The following AATF variants were observed in gnomAD, a reference collection of about 807,000 sequenced individuals.
AATF encodes protein AATF.
Under a neutral mutation model 63.7 loss-of-function variants are expected in AATF, and 48 were observed. The ratio of observed to expected loss-of-function variants is 0.75; its 90% CI spans 0.60 to 0.96. The LOEUF is 0.96. Ranked by LOEUF, AATF falls within the 40% of genes least tolerant of loss-of-function variation. AATF has a pLI of 0.00. For synonymous variants in AATF, 258 were observed against 247.7 expected, an observed-to-expected ratio of 1.04 and a Z score of -0.39; for missense variants, 639 against 685.7, an observed-to-expected ratio of 0.93 and a Z score of 0.76.
At chr17:37,001,451 GGAAGAA>G (rs780059541) in intron 8 of AATF, among the ~76,000 whole-genome samples, 1 of 115,896 alleles carries the variant, frequency 8.6e-6, no homozygotes, top group African/African-American at 3.6e-5. Flanking sequence ...AAGGAAGGAA[GGAAGAA>G]AAAAAAAAAA....
At chr17:36,968,270 CTTTTTTTTTTTTTTTT>C (rs3049638) in intron 4 of AATF, among the ~76,000 whole-genome samples, 3 of 23,764 alleles carry the variant, frequency 1.3e-4, no homozygotes, top group African/African-American at 3.3e-4. Flanking sequence ...TTCCTTCTTT[CTTTTTTTTTTTTTTTT>C]TTTTTTTTTT....
At chr17:36,952,790 C>T (rs1291593217) in intron 2 of AATF, 96 bp from the exon 3 acceptor site, 5 of 1,496,250 alleles carry the variant, frequency 3.3e-6, no homozygotes, top group Non-Finnish European at 4.4e-6. Context: ...GATTTTCCCC[C>T]TGATGCCACA....
chr17:37,031,185 A>ATGTTG (rs71368438), intron 10 of AATF, among the ~76,000 whole-genome samples: 7,991 of 152,228 alleles, frequency 0.052, 677 homozygotes, highest in African/African-American at 0.18. Flanking sequence ...GGGGAAAGGA[A>ATGTTG]TGTCTGTACC....
chr17:36,954,445 A>T (rs144407907), intron 4 of AATF, among the ~76,000 whole-genome samples: 1 of 152,184 alleles, frequency 6.6e-6, no homozygotes. Context: ...GAAAGGGAGA[A>T]AAAGAATGTC....
chr17:37,042,448 T>C (rs781587851), intron 11 of AATF, among the ~76,000 whole-genome samples: 1 of 151,870 alleles, frequency 6.6e-6, no homozygotes, highest in Non-Finnish European at 1.5e-5. Flanking sequence ...AAGGTTTTAC[T>C]CTGTTGCCCA....
chr17:37,031,507 A>T, intron 10 of AATF, 107 bp from the exon 11 acceptor site: 1 of 931,668 alleles, frequency 1.1e-6, no homozygotes, highest in South Asian at 1.3e-5. Flanking sequence ...CTTTGTACCC[A>T]GATGTTCCAG....
At chr17:36,952,633 C>G (rs1227202230) in intron 2 of AATF, among the ~76,000 whole-genome samples, 1 of 152,220 alleles carries the variant, frequency 6.6e-6, no homozygotes, top group Non-Finnish European at 1.5e-5. Flanking sequence ...CTGATGCTTC[C>G]TTGAGTTGTA....
At chr17:37,034,398 T>C (rs1176370059) in intron 11 of AATF, among the ~76,000 whole-genome samples, 5 of 152,178 alleles carry the variant, frequency 3.3e-5, no homozygotes, top group Non-Finnish European at 7.4e-5. Flanking sequence ...AAAGTGGAAG[T>C]AACCTAGTAC....
chr17:37,055,998 G>T (rs1326563558), intron 11 of AATF: 1 of 152,180 alleles, frequency 6.6e-6, no homozygotes, highest in Non-Finnish European at 1.5e-5. Context: ...TTCTTTTTAG[G>T]GGCCCAAGAC....
chr17:37,046,709 C>T (rs1350962323), intron 11 of AATF, among the ~76,000 whole-genome samples: 1 of 148,536 alleles, frequency 6.7e-6, no homozygotes, highest in African/African-American at 2.5e-5. Context: ...TAGAGCTGAG[C>T]GATGCATCCT....
At chr17:37,027,915 C>T (rs2071522567) in intron 10 of AATF, among the ~76,000 whole-genome samples, 1 of 152,132 alleles carries the variant, frequency 6.6e-6, no homozygotes, top group Non-Finnish European at 1.5e-5. Flanking sequence ...GAATAGTAAT[C>T]ATACTTTCAG....
intron 4 of AATF, among the ~76,000 whole-genome samples, chr17:36,970,088 T>C (rs957732674): frequency 6.6e-6 from 1 of 152,196 alleles, no homozygotes; most frequent in Non-Finnish European, 1.5e-5. Flanking sequence ...CAAACATTTG[T>C]ATAGATGTTT....
intron 4 of AATF, among the ~76,000 whole-genome samples, chr17:36,955,651 CATT>C (rs1290451934): frequency 2.6e-5 from 4 of 152,096 alleles, no homozygotes; most frequent in Non-Finnish European, 4.4e-5. Flanking sequence ...TTTTGTTACT[CATT>C]ATTCTTTTTG....
At chr17:36,965,649 C>T (rs1031216798) in intron 4 of AATF, among the ~76,000 whole-genome samples, 1 of 152,134 alleles carries the variant, frequency 6.6e-6, no homozygotes, top group Non-Finnish European at 1.5e-5. Context: ...TTGTAGATGA[C>T]TTATTTTTGG....
Position 36,948,994 on chromosome 17 carries a change from C to T in AATF, c.-132C>T, listed in dbSNP as rs1329839347. The T allele has an allele frequency of 3.5e-6, 3 of 861,796 alleles. No individual in the cohort carries two copies. Among genetic ancestry groups the T allele is most frequent in the Admixed American group, 2.3e-5 (1 of 42,642 alleles). The allele number at this position is 861,796 out of a possible 1,614,324, so 53.4% of individuals were successfully genotyped here. Reference sequence around the variant, plus strand: ...GGCCGGTCCAGAGCTGTGGGGTGGCCTCCGCGCGGTCTCTGGCGGAGTCGG... The same window carrying T: ...GGCCGGTCCAGAGCTGTGGGGTGGCTTCCGCGCGGTCTCTGGCGGAGTCGG... On this transcript the variant is annotated 5_prime_UTR_variant, in exon 1 of 12. Coordinates refer to ENST00000619387, the MANE Select transcript of AATF (RefSeq NM_012138.4).
Position 36,949,078 on chromosome 17 carries a change from G to C in AATF, c.-48G>C. On this transcript the variant is annotated 5_prime_UTR_variant, in exon 1 of 12. Coordinates refer to ENST00000619387, the MANE Select transcript of AATF (RefSeq NM_012138.4). ...AAGGAGCTTCGGGGCCGGGGGTTGGGCCGCACATTTACGTGCGCGAAGCGG... is the reference window on the plus strand; with the variant it reads ...AAGGAGCTTCGGGGCCGGGGGTTGGCCCGCACATTTACGTGCGCGAAGCGG... 1 of 1,473,030 alleles carries C rather than the reference G, an allele frequency of 6.8e-7. No individual in the cohort carries two copies. The highest frequency in any genetic ancestry group is 1.2e-5 in the South Asian group (1 of 81,936). 91.2% of individuals were successfully genotyped at this position (1,473,030 alleles called of 1,614,324 possible). A position where few individuals can be genotyped will look rare whatever the true frequency, so the allele number is the denominator to read the frequency against.
intron 8 of AATF, among the ~76,000 whole-genome samples, chr17:37,010,203 C>T (rs2071379723): frequency 6.6e-6 from 1 of 152,282 alleles, no homozygotes; most frequent in East Asian, 1.9e-4. Flanking sequence ...GCCTATAATC[C>T]CAGCACTTTG....
intron 4 of AATF, among the ~76,000 whole-genome samples, chr17:36,983,962 T>C (rs2071147548): frequency 6.6e-6 from 1 of 152,168 alleles, no homozygotes; most frequent in Admixed American, 6.5e-5. Flanking sequence ...GACATTGAAA[T>C]AGAATGCTAT....
intron 4 of AATF, among the ~76,000 whole-genome samples, chr17:36,976,021 G>T (rs139578274): frequency 2.0e-5 from 3 of 152,170 alleles, no homozygotes; most frequent in African/African-American, 7.2e-5. Context: ...CATGTGATGT[G>T]GGCTTCCTTT....
Sources: allele counts gnomAD v4.1 joint callset (sites outside exome capture counted in the v4.1 genomes callset), GRCh38; gene constraint gnomAD v4.1.1; transcripts MANE v1.5; gene names NCBI Gene and HGNC (gene_info 2026-07-23, HGNC 2026-07-21).